The following CPOX variants were observed in gnomAD, a reference collection of about 807,000 sequenced individuals.
The protein encoded by CPOX is coproporphyrinogen oxidase.
A neutral mutation model predicts 48.9 loss-of-function variants in CPOX; 24 were observed. The observed-to-expected ratio is 0.49, with a 90% CI of 0.36 to 0.69. The LOEUF is 0.69. Among genes scored for constraint, CPOX ranks in the 30% least tolerant of loss-of-function variants. The pLI is 0.00. For synonymous variants in CPOX, 249 were observed against 234.6 expected (o/e 1.06, Z -0.56); for missense variants, 549 against 597.3 (o/e 0.92, Z 0.84).
At chr3:98,572,411 G>T in the CPOX span, among the ~76,000 whole-genome samples, 2 of 151,964 alleles carry the variant, frequency 1.3e-5, no homozygotes. Flanking sequence ...TGTCTTAAAG[G>T]TATCTGTTTT....
chr3:98,580,562 G>A lies in CPOX; in HGVS notation c.*121C>T, dbSNP rs1707238693. On this transcript the variant is annotated 3_prime_UTR_variant, in exon 7 of 7. Coordinates refer to ENST00000647941, the MANE Select transcript of CPOX (RefSeq NM_000097.7). ...ATGTTATCATCTGCCCACGAGGTAG[G>A]GTGCAGAGTGGAGAAGACTAAGGCA... is the stretch of plus-strand genomic sequence containing the variant. 5.8e-6 allele frequency: 9 copies of A among 1,551,366 alleles called. No homozygotes were observed. Among genetic ancestry groups the A allele is most frequent in the Non-Finnish European group, 7.8e-6 (9 of 1,148,202 alleles).
chr3:98,574,281 CTG>C, the CPOX span, among the ~76,000 whole-genome samples: 4 of 152,202 alleles, frequency 2.6e-5, no homozygotes, highest in African/African-American at 9.7e-5. Context: ...TTCACAGATT[CTG>C]TGAGTCAGGG....
chr3:98,592,992 G>C lies in CPOX; in HGVS notation c.513C>G (p.Asp171Glu), dbSNP rs754441774. The C allele has an allele frequency of 6.2e-7, 1 of 1,613,684 alleles. No individual in the cohort carries two copies. The highest frequency in any genetic ancestry group is 1.7e-5 in the Admixed American group (1 of 59,996). The change falls in exon 1 of 7, where the codon GAC becomes GAG. Residue 171 changes from aspartate to glutamate, a missense_variant. Asp to Glu is a conservative substitution (Grantham distance 45, BLOSUM62 2). Coordinates refer to ENST00000647941, the MANE Select transcript of CPOX (RefSeq NM_000097.7). ...GGTCCACAGAAAAGTTGGCGCCCCCGTCTACCTGTGCCAGAGCCTGGCACA... is the reference window on the plus strand; with the variant it reads ...GGTCCACAGAAAAGTTGGCGCCCCCCTCTACCTGTGCCAGAGCCTGGCACA... ...AQVCQALAQV[D>E]GGANFSVDRW...
At chr3:98,572,955 G>A in the CPOX span, among the ~76,000 whole-genome samples, 1 of 152,080 alleles carries the variant, frequency 6.6e-6, no homozygotes, top group Non-Finnish European at 1.5e-5. Flanking sequence ...TTAAATTAAT[G>A]TATTGTAGAC....
At chr3:98,582,305 G>T (rs934233167) in intron 5 of CPOX, among the ~76,000 whole-genome samples, 5 of 152,012 alleles carry the variant, frequency 3.3e-5, no homozygotes, top group African/African-American at 4.8e-5. Context: ...CTACTCAAAA[G>T]AATTTAGACT....
intron 5 of CPOX, 137 bp downstream of exon 5, chr3:98,585,304 A>T: frequency 1.3e-6 from 1 of 768,404 alleles, no homozygotes. Flanking sequence ...ATGTCTTTTA[A>T]TTCACTTAAT....
the CPOX span, among the ~76,000 whole-genome samples, chr3:98,572,652 A>T: frequency 2.0e-5 from 3 of 152,174 alleles, no homozygotes; most frequent in Non-Finnish European, 4.4e-5. Context: ...TGTATTTAAC[A>T]TCTTCATTCT....
chr3:98,578,994 T>C (rs1195270022), downstream of CPOX, among the ~76,000 whole-genome samples: 3 of 152,332 alleles, frequency 2.0e-5, no homozygotes, highest in East Asian at 5.8e-4. Context: ...TGAAGAGTTT[T>C]GCTTCTTCGC....
intron 5 of CPOX, among the ~76,000 whole-genome samples, chr3:98,583,803 T>C (rs936707770): frequency 3.9e-5 from 6 of 152,162 alleles, no homozygotes. Flanking sequence ...AGAAAACTGG[T>C]CATGACTGCA....
chr3:98,573,003 T>C, the CPOX span, among the ~76,000 whole-genome samples: 1 of 152,208 alleles, frequency 6.6e-6, no homozygotes, highest in African/African-American at 2.4e-5. Flanking sequence ...TTTGAAATGA[T>C]AAAAATGTTT....
chr3:98,589,150 C>T (rs958453331), intron 3 of CPOX, among the ~76,000 whole-genome samples: 3 of 152,008 alleles, frequency 2.0e-5, no homozygotes, highest in Admixed American at 2.0e-4. Flanking sequence ...GGTGAAACCT[C>T]GTTGCTACTA....
intron 3 of CPOX, 141 bp from the exon 4 acceptor site, chr3:98,588,995 C>T: frequency 1.0e-6 from 1 of 990,730 alleles, no homozygotes; most frequent in Non-Finnish European, 1.5e-6. Context: ...GATTTTAGCT[C>T]TGAAGACCAG....
chr3:98,585,602 G>T lies in CPOX; in HGVS notation c.1011C>A (p.Ile337=). The T allele has an allele frequency of 6.2e-7, 1 of 1,613,884 alleles. No individual in the cohort carries two copies. ...HRGERRGIGG[I]FFDDLDSPSK... is the part of the protein sequence containing the mutation. ...ACGGAGAGTCAAGATCATCAAAAAA[G>T]ATACCACCAATGCCCCGCCGTTCTC... The change falls in exon 5 of 7, where the codon ATC becomes ATA. Residue 337 remains isoleucine (I), a synonymous_variant. Transcript: ENST00000647941.
intron 4 of CPOX, among the ~76,000 whole-genome samples, chr3:98,588,421 T>C (rs1484503477): frequency 6.6e-6 from 1 of 152,124 alleles, no homozygotes; most frequent in African/African-American, 2.4e-5. Context: ...AACAACCCAC[T>C]CCAGATTAAA....
At chr3:98,586,284 T>C (rs570585193) in intron 4 of CPOX, among the ~76,000 whole-genome samples, 1 of 152,306 alleles carries the variant, frequency 6.6e-6, no homozygotes, top group South Asian at 2.1e-4. Flanking sequence ...CGATAGTGTA[T>C]TTCTTGGAAT....
chr3:98,580,547 C>G lies in CPOX; in HGVS notation c.*136G>C, dbSNP rs142440038. ...GACAGCATCCAAAACATGTTATCATCTGCCCACGAGGTAGGGTGCAGAGTG... is the reference window on the plus strand; with the variant it reads ...GACAGCATCCAAAACATGTTATCATGTGCCCACGAGGTAGGGTGCAGAGTG... On this transcript the variant is annotated 3_prime_UTR_variant, in exon 7 of 7. Transcript: ENST00000647941. 5,222 of 1,516,730 alleles carry G rather than the reference C, an allele frequency of 3.4e-3. 18 individuals carry two copies. The highest frequency in any genetic ancestry group is 4.2e-3 in the Non-Finnish European group (4,714 of 1,132,822). The allele number at this position is 1,516,730 out of a possible 1,614,324, so 94.0% of individuals were successfully genotyped here.
rs1185422267 is a variant in CPOX, at chr3:98,591,105, C to G, written c.607G>C (p.Ala203Pro). 1 of 1,614,180 alleles carries G rather than the reference C, an allele frequency of 6.2e-7. No homozygotes were observed. Among genetic ancestry groups the G allele is most frequent in the Non-Finnish European group, 8.5e-7 (1 of 1,180,016 alleles). The stretch of plus-strand genomic sequence containing the variant: ...TGAACAACAGAAATGCTCACCCCAG[C>G]CTTTTCGAAAACACACCCATCTTGA... Reference protein sequence around the residue: ...VLQDGCVFEKAGVSISVVHGN... With the variant: ...VLQDGCVFEKPGVSISVVHGN... The change falls in exon 2 of 7, where the codon GCT becomes CCT. Residue 203 changes from alanine to proline, a missense_variant. Physicochemically the swap from Ala to Pro is conservative, Grantham distance 27. Around this residue, in one of 2 missense-constraint regions of CPOX, gnomAD observed 336 missense variants for 318.1 expected, o/e 1.06. Coordinates refer to ENST00000647941, the MANE Select transcript of CPOX (RefSeq NM_000097.7).
At chr3:98,575,647 TA>T (rs1280066815), downstream of CPOX, among the ~76,000 whole-genome samples, 1 of 149,320 alleles carries the variant, frequency 6.7e-6, no homozygotes, top group Non-Finnish European at 1.5e-5. Context: ...TACAAAAAAT[TA>T]GCCGGGTGTG....
chr3:98,582,527 C>T (rs1351890075), intron 5 of CPOX, among the ~76,000 whole-genome samples: 1 of 149,808 alleles, frequency 6.7e-6, no homozygotes, highest in East Asian at 1.9e-4. Flanking sequence ...GAATCTTACT[C>T]TGTTGCCCAG....
Sources: gnomAD v4.1 joint callset for allele counts (sites outside exome capture counted in the v4.1 genomes callset) on GRCh38, gnomAD v4.1.1 for gene constraint, gnomAD v4.1.1 regional missense constraint, MANE v1.5 for transcripts, NCBI Gene and HGNC (gene_info 2026-07-23, HGNC 2026-07-21) for gene names.